CAPZB: variants seen among roughly 807,000 people sequenced by gnomAD.
CAPZB encodes the protein F-actin-capping protein subunit beta.
A neutral mutation model predicts 38.1 loss-of-function variants in CAPZB; 2 were observed. The ratio of observed to expected loss-of-function variants is 0.05; its 90% confidence interval spans 0.02 to 0.17. The LOEUF (loss-of-function observed/expected upper bound fraction) is 0.17, where lower values mean the gene tolerates loss of function less well. Ranked by LOEUF, CAPZB falls within the 10% of genes least tolerant of loss-of-function variation. The pLI is 1.00. For synonymous variants in CAPZB, 107 were observed against 127.4 expected (o/e 0.84, Z 1.08); for missense variants, 161 against 334.2 (o/e 0.48, Z 4.04).
chr1:19,461,204 G>A (rs1447340015), intron 1 of CAPZB, among the ~76,000 whole-genome samples: 1 of 152,194 alleles, frequency 6.6e-6, no homozygotes, highest in African/African-American at 2.4e-5. Flanking sequence ...TTAGAGAGGT[G>A]AAGGGACTTG....
intron 1 of CAPZB, among the ~76,000 whole-genome samples, chr1:19,449,936 G>A (rs1028236042): frequency 6.6e-6 from 1 of 151,864 alleles, no homozygotes; most frequent in Non-Finnish European, 1.5e-5. Context: ...GAGCCCAGGA[G>A]TTTGAGATCA....
chr1:19,342,956 GGGAGAC>G (rs1202895993), intron 8 of CAPZB: 3 of 814,824 alleles, frequency 3.7e-6, no homozygotes, highest in Non-Finnish European at 6.4e-6. Flanking sequence ...AGGAAATTCA[GGGAGAC>G]CCACGAGGCG....
intron 4 of CAPZB, among the ~76,000 whole-genome samples, chr1:19,365,659 C>T (rs1010257400): frequency 1.1e-4 from 16 of 151,746 alleles, no homozygotes; most frequent in Non-Finnish European, 1.6e-4. Context: ...GGAGAAGCCC[C>T]GTCTCTATTA....
rs760605816 is a variant in CAPZB at position 19,342,826 on chromosome 1, T to C, written c.731+1532A>G. Reference sequence around the variant, plus strand: ...CACTTGAGAGAGCTCCCTCTGCAACTGCTTAAACTTTTGGTTGTCAGGGAT... The same window carrying C: ...CACTTGAGAGAGCTCCCTCTGCAACCGCTTAAACTTTTGGTTGTCAGGGAT... On this transcript the variant is annotated intron_variant, in intron 8 of 8. Coordinates refer to ENST00000264202, the MANE Select transcript of CAPZB (RefSeq NM_004930.5). The C allele has an allele frequency of 1.9e-6, 3 of 1,612,054 alleles. No individual in the cohort carries two copies. In the South Asian group the frequency reaches 3.3e-5, roughly 18 times the overall value.
At chr1:19,471,845 G>A (rs560920732) in intron 1 of CAPZB, among the ~76,000 whole-genome samples, 1,199 of 110,186 alleles carry the variant, frequency 0.011, 16 homozygotes, top group Non-Finnish European at 0.012. Flanking sequence ...CAGCCTGGGA[G>A]ACAAAGCGAG....
Position 19,448,807 on chromosome 1 carries a change from C to G in CAPZB, c.4-29057G>C, listed in dbSNP as rs774376255. ...CCACGGCCACCTGTTGCTCCTCCTC[C>G]CCCCTCAGATCTAAAGTGCGTGTCA... On this transcript the variant is annotated intron_variant, in intron 1 of 8. Transcript: ENST00000264202. 1.1e-5 allele frequency: 17 copies of G among 1,612,200 alleles called. 1 individual carries two copies. The South Asian group carries it at 1.9e-4, about 18-fold the overall frequency.
chr1:19,417,948 C>T (rs1341859545), intron 2 of CAPZB, among the ~76,000 whole-genome samples: 1 of 151,924 alleles, frequency 6.6e-6, no homozygotes, highest in Non-Finnish European at 1.5e-5. Flanking sequence ...ACAAGCTTGA[C>T]CAACATGGTG....
Position 19,379,454 on chromosome 1 carries a change from G to A in CAPZB, c.216-801C>T, listed in dbSNP as rs116222455. ...GCCCCTCTCTCCTCCCTGATTTGCT[G>A]GAGGCTCTACATAAACTTTAAGACC... On this transcript the variant is annotated intron_variant, in intron 3 of 8. Coordinates refer to ENST00000264202, the MANE Select transcript of CAPZB (RefSeq NM_004930.5). Among the ~76,000 whole-genome samples the A allele has an allele frequency of 8.4e-3, 1,285 of 152,234 alleles. 16 individuals carry two copies. The highest frequency in any genetic ancestry group is 0.029 in the African/African-American group (1,203 of 41,530).
At chr1:19,421,058 A>AT (rs1377550821) in intron 1 of CAPZB, among the ~76,000 whole-genome samples, 4 of 152,190 alleles carry the variant, frequency 2.6e-5, no homozygotes, top group Admixed American at 2.6e-4. Context: ...AGTAAGGCAG[A>AT]TGGAGTCCCC....
In CAPZB at chr1:19,406,997, A is replaced by G. The variant is rs529029414; in HGVS notation, c.93+12664T>C. Among the ~76,000 whole-genome samples, 3 of 152,276 alleles carry G rather than the reference A, an allele frequency of 2.0e-5. No individual in the cohort carries two copies. The East Asian group carries it at 5.8e-4, about 29-fold the overall frequency. ...GTGGTAAAGACAAGAGCTGAACAGG[A>G]TTGTGCCTTTCGATTTCAAGGCACT... On this transcript the variant is annotated intron_variant, in intron 2 of 8. Transcript: ENST00000264202.
At chr1:19,431,632 A>T (rs972188000) in intron 1 of CAPZB, among the ~76,000 whole-genome samples, 3 of 150,656 alleles carry the variant, frequency 2.0e-5, no homozygotes, top group African/African-American at 7.3e-5. Context: ...GAGGCAGGAG[A>T]ATGGCGTGAA....
At chr1:19,459,837 T>TA (rs1558281983) in intron 1 of CAPZB, among the ~76,000 whole-genome samples, 1 of 152,146 alleles carries the variant, frequency 6.6e-6, no homozygotes, top group Non-Finnish European at 1.5e-5. Context: ...GCCCCAGACG[T>TA]AAATCATCCC....
chr1:19,344,558 G>C lies in CAPZB; in HGVS notation c.655-124C>G. On this transcript the variant is annotated intron_variant, in intron 7 of 8. Transcript: ENST00000264202. ...CTGGAGGGTGGCACACGCCTGCTCT[G>C]GGGCATCAGTGAGCGCGCTCCAGGC... 7 of 761,096 alleles carry C rather than the reference G, an allele frequency of 9.2e-6. No individual in the cohort carries two copies. In the South Asian group the frequency reaches 1.0e-4, roughly 11 times the overall value. The allele number at this position is 761,096 out of a possible 1,614,324, so 47.1% of individuals were successfully genotyped here.
In CAPZB at chr1:19,484,109, A is replaced by G; in HGVS notation, c.3+1327T>C. ...CCTATGTGAAACCCCAGGTTCCTCA[A>G]AAGTCTGGATAGCATCTGCCTTCTT... On this transcript the variant is annotated intron_variant, in intron 1 of 8. Coordinates refer to ENST00000264202, the MANE Select transcript of CAPZB (RefSeq NM_004930.5). The G allele has an allele frequency of 4.1e-6, 6 of 1,477,928 alleles. No individual in the cohort carries two copies. In the Admixed American group the frequency reaches 6.1e-5, roughly 15 times the overall value. The allele number at this position is 1,477,928 out of a possible 1,614,324, so 91.6% of individuals were successfully genotyped here. A position where few individuals can be genotyped will look rare whatever the true frequency, so the allele number is the denominator to read the frequency against.
intron 1 of CAPZB, among the ~76,000 whole-genome samples, chr1:19,463,342 CA>C (rs2094558367): frequency 1.3e-5 from 2 of 152,336 alleles, no homozygotes; most frequent in African/African-American, 4.8e-5. Flanking sequence ...CACAGTTCGG[CA>C]ACCGCTGGCC....
At chr1:19,455,427 G>A (rs1367995851) in intron 1 of CAPZB, among the ~76,000 whole-genome samples, 1 of 152,214 alleles carries the variant, frequency 6.6e-6, no homozygotes, top group Non-Finnish European at 1.5e-5. Context: ...GTGGCCACGT[G>A]ATGGATAAGA....
intron 1 of CAPZB, chr1:19,424,515 T>C (rs766804429): frequency 1.3e-5 from 2 of 152,330 alleles, no homozygotes; most frequent in African/African-American, 2.4e-5. Context: ...TTGGCATCAA[T>C]ATGGTGACTT....
In CAPZB at chr1:19,419,743, T is replaced by A; in HGVS notation, c.11A>T (p.Gln4Leu). 6.4e-7 allele frequency: 1 copy of A among 1,570,698 alleles called. No homozygotes were observed. Residue 4 changes from glutamine (Q) to leucine (L), a missense_variant, in exon 2 of 9, where the codon CAG becomes CTG. By Grantham distance (113) the Gln-to-Leu change is moderately radical. Coordinates refer to ENST00000264202, the MANE Select transcript of CAPZB (RefSeq NM_004930.5). ...TAGGTCCAAGGCACAGTCCAGCTGC[T>A]GATCACTCTGTGGAGGGAGAAATAC... MSD[Q>L]QLDCALDLMR... is the part of the protein sequence containing the mutation.
intron 4 of CAPZB, among the ~76,000 whole-genome samples, chr1:19,362,077 G>A (rs894545069): frequency 6.6e-6 from 1 of 152,152 alleles, no homozygotes; most frequent in Non-Finnish European, 1.5e-5. Flanking sequence ...CAGGGAGGGA[G>A]GAATGGGCCC....
Sources: gnomAD v4.1 joint callset for allele counts (sites outside exome capture counted in the v4.1 genomes callset) on GRCh38, gnomAD v4.1.1 for gene constraint, MANE v1.5 for transcripts, NCBI Gene and HGNC (gene_info 2026-07-23, HGNC 2026-07-21) for gene names.